PALM2AKAP2: variants seen among roughly 807,000 people sequenced by gnomAD.
PALM2AKAP2 encodes the protein PALM2-AKAP2 fusion protein.
PALM2AKAP2 carries 37 observed loss-of-function variants against 71.5 expected under a neutral mutation model. The observed-to-expected ratio is 0.52, with a 90% confidence interval of 0.40 to 0.68. PALM2AKAP2 has a LOEUF of 0.68. Ranked by LOEUF, PALM2AKAP2 falls within the 30% of genes least tolerant of loss-of-function variation. PALM2AKAP2 has a pLI of 0.00. For missense variants in PALM2AKAP2, 1,224 were observed against 1,191.8 expected, an observed-to-expected ratio of 1.03 and a Z score of -0.40; for synonymous variants, 468 against 478.8, an observed-to-expected ratio of 0.98 and a Z score of 0.29.
intron 6 of PALM2AKAP2, among the ~76,000 whole-genome samples, chr9:109,984,207 C>G (rs1265009767): frequency 6.6e-6 from 1 of 152,114 alleles, no homozygotes; most frequent in East Asian, 1.9e-4. Context: ...TGAAGTATAT[C>G]TCTAGTCTCT....
intron 1 of PALM2AKAP2, among the ~76,000 whole-genome samples, chr9:109,647,500 A>T (rs1484170013): frequency 6.6e-6 from 1 of 152,202 alleles, no homozygotes; most frequent in African/African-American, 2.4e-5. Flanking sequence ...CACATTGTGA[A>T]TTTTGTTAGA....
At chr9:110,152,208 G>A (rs1360491798) in intron 2 of PALM2AKAP2, among the ~76,000 whole-genome samples, 1 of 151,018 alleles carries the variant, frequency 6.6e-6, no homozygotes, top group Non-Finnish European at 1.5e-5. Context: ...CTCCAGCCTG[G>A]GCAACAGAGC....
At chr9:109,863,618 T>A (rs1423442827) in intron 1 of PALM2AKAP2, among the ~76,000 whole-genome samples, 1 of 152,182 alleles carries the variant, frequency 6.6e-6, no homozygotes, top group Non-Finnish European at 1.5e-5. Context: ...TGGAAACCAG[T>A]GGGCTATCCC....
Position 109,666,693 on chromosome 9 carries a change from T to C in PALM2AKAP2, c.5+25827T>C, listed in dbSNP as rs575672190. ...ATTACAGGTGTCTGCTCCTTATGGGTCTGGCACCCTTGTTAGCAGAAGCCT... is the reference window on the plus strand; with the variant it reads ...ATTACAGGTGTCTGCTCCTTATGGGCCTGGCACCCTTGTTAGCAGAAGCCT... On this transcript the variant is annotated intron_variant, in intron 1 of 6. Coordinates refer to the PALM2AKAP2 transcript ENST00000374531. 2.0e-5 allele frequency among the ~76,000 whole-genome samples: 3 copies of C among 152,272 alleles called. No homozygotes were observed. The East Asian group carries it at 5.8e-4, about 29-fold the overall frequency.
chr9:109,838,999 A>G (rs1468243782), intron 1 of PALM2AKAP2, among the ~76,000 whole-genome samples: 1 of 152,248 alleles, frequency 6.6e-6, no homozygotes, highest in Admixed American at 6.5e-5. Context: ...GATTCCAATG[A>G]ATAGGAAAAG....
At chr9:109,957,997 A>G (rs2132105440) in intron 6 of PALM2AKAP2, among the ~76,000 whole-genome samples, 1 of 152,328 alleles carries the variant, frequency 6.6e-6, no homozygotes, top group East Asian at 1.9e-4. Context: ...CAGCTGAGTA[A>G]TCTTAGGCAA....
At chr9:109,993,746 C>T (rs529661767) in intron 6 of PALM2AKAP2, among the ~76,000 whole-genome samples, 1 of 151,920 alleles carries the variant, frequency 6.6e-6, no homozygotes, top group East Asian at 1.9e-4. Flanking sequence ...TTCTCTCCCT[C>T]TGTTTTTCTC....
At chr9:109,746,553 T>C (rs992066351) in intron 1 of PALM2AKAP2, among the ~76,000 whole-genome samples, 4 of 152,208 alleles carry the variant, frequency 2.6e-5, no homozygotes, top group African/African-American at 9.7e-5. Flanking sequence ...TTTATTATTA[T>C]TATTGATCAA....
intron 6 of PALM2AKAP2, among the ~76,000 whole-genome samples, chr9:109,998,818 G>A (rs750527771): frequency 6.6e-6 from 1 of 150,776 alleles, no homozygotes; most frequent in African/African-American, 2.4e-5. Flanking sequence ...CAATGTGCAT[G>A]ACCTTGTGAG....
intron 1 of PALM2AKAP2, among the ~76,000 whole-genome samples, chr9:109,774,594 G>A (rs532905939): frequency 2.6e-5 from 4 of 151,918 alleles, no homozygotes; most frequent in African/African-American, 9.7e-5. Context: ...GAATCCTCTT[G>A]TTTAAAAGAT....
chr9:109,707,064 G>A (rs1828156235), intron 1 of PALM2AKAP2, among the ~76,000 whole-genome samples: 1 of 152,186 alleles, frequency 6.6e-6, no homozygotes, highest in Non-Finnish European at 1.5e-5. Context: ...TTATATCTCA[G>A]TAAGTTATTA....
At position 110,140,518 on chromosome 9, in the gene PALM2AKAP2, T is replaced by C. The variant is rs1415939153; in HGVS notation, c.2569+1979T>C. 2.6e-5 allele frequency among the ~76,000 whole-genome samples: 4 copies of C among 152,346 alleles called. No individual in the cohort carries two copies. The South Asian group carries it at 8.3e-4, about 32-fold the overall frequency. On this transcript the variant is annotated intron_variant, in intron 2 of 3. Transcript: ENST00000374525. ...CACTCTCAGTGGACAGAATTAGAAA[T>C]TACACACATCTCTCTTGAAAACCAT...
chr9:109,812,214 G>C (rs1827743259), intron 1 of PALM2AKAP2, among the ~76,000 whole-genome samples: 1 of 152,198 alleles, frequency 6.6e-6, no homozygotes, highest in South Asian at 2.1e-4. Context: ...TGCCATGGGT[G>C]AATACTCCTC....
At chr9:109,917,069 T>G (rs917671760) in intron 3 of PALM2AKAP2, among the ~76,000 whole-genome samples, 8 of 152,186 alleles carry the variant, frequency 5.3e-5, no homozygotes, top group Admixed American at 1.3e-4. Context: ...ACACTTTGTA[T>G]AACCACAAGA....
At chr9:109,984,223 A>G (rs1279019520) in intron 6 of PALM2AKAP2, among the ~76,000 whole-genome samples, 1 of 152,232 alleles carries the variant, frequency 6.6e-6, no homozygotes, top group Admixed American at 6.5e-5. Flanking sequence ...TCTCTTAAAT[A>G]CATCTCTAAA....
chr9:109,745,905 A>G (rs1451742715), intron 1 of PALM2AKAP2, among the ~76,000 whole-genome samples: 4 of 152,200 alleles, frequency 2.6e-5, no homozygotes, highest in Admixed American at 1.3e-4. Context: ...CGTTGCAAAG[A>G]AGCCAACTCC....
exon 2 of PALM2AKAP2, chr9:110,138,300 C>A: frequency 6.2e-7 from 1 of 1,614,220 alleles, no homozygotes; most frequent in Non-Finnish European, 8.5e-7. Flanking sequence ...TCGGAGGCAG[C>A]TGAGCTGAGA....
chr9:110,048,571 G>A, upstream of PALM2AKAP2: 1 of 893,424 alleles, frequency 1.1e-6, no homozygotes, highest in Non-Finnish European at 1.6e-6. Flanking sequence ...GGGGAGGGGA[G>A]GGAGGGGCGG....
At chr9:109,704,008 G>C (rs1214386774) in intron 1 of PALM2AKAP2, among the ~76,000 whole-genome samples, 2 of 152,156 alleles carry the variant, frequency 1.3e-5, no homozygotes, top group Non-Finnish European at 2.9e-5. Flanking sequence ...AGGCTCCTTG[G>C]CCAGGTTCTT....
Sources: allele counts gnomAD v4.1 joint callset (sites outside exome capture counted in the v4.1 genomes callset), GRCh38; gene constraint gnomAD v4.1.1; transcripts MANE v1.5; gene names NCBI Gene and HGNC (gene_info 2026-07-23, HGNC 2026-07-21).